Variants in ROBO1 observed in about 807,000 individuals in gnomAD.
The protein encoded by ROBO1 is roundabout homolog 1.
A neutral mutation model predicts 195.9 loss-of-function variants in ROBO1; 149 were observed. The observed-to-expected ratio is 0.76, with a 90% confidence interval of 0.67 to 0.87. ROBO1 has a LOEUF of 0.87. Among genes scored for constraint, ROBO1 ranks in the 40% least tolerant of loss-of-function variants. ROBO1 has a pLI of 0.00. For synonymous variants in ROBO1, 816 were observed against 733.2 expected (o/e 1.11, Z -1.82); for missense variants, 1,933 against 2,068.3 (o/e 0.93, Z 1.27).
chr3:79,279,143 G>A (rs527978418), intron 2 of ROBO1, among the ~76,000 whole-genome samples: 11 of 152,136 alleles, frequency 7.2e-5, no homozygotes, highest in Admixed American at 2.6e-4. Flanking sequence ...GTGGGTGCCT[G>A]TAATCCCAGC....
At chr3:78,843,864 T>G (rs1343228781) in intron 4 of ROBO1, among the ~76,000 whole-genome samples, 1 of 151,988 alleles carries the variant, frequency 6.6e-6, no homozygotes, top group Non-Finnish European at 1.5e-5. Context: ...GAATATGAAA[T>G]AAGCTGAACA....
chr3:79,100,576 A>G (rs1398960387), intron 3 of ROBO1, among the ~76,000 whole-genome samples: 1 of 151,906 alleles, frequency 6.6e-6, no homozygotes, highest in East Asian at 1.9e-4. Context: ...GTATGAATTC[A>G]CGTGATCCTA....
At chr3:79,682,588 T>C (rs1946982729) in intron 1 of ROBO1, among the ~76,000 whole-genome samples, 2 of 152,044 alleles carry the variant, frequency 1.3e-5, no homozygotes, top group African/African-American at 2.4e-5. Flanking sequence ...TGTCTACTTG[T>C]CAATTTAAGA....
intron 2 of ROBO1, among the ~76,000 whole-genome samples, chr3:79,367,206 TA>T (rs1225600335): frequency 6.6e-6 from 1 of 152,186 alleles, no homozygotes; most frequent in Non-Finnish European, 1.5e-5. Flanking sequence ...CATAGTATGT[TA>T]TTTTTTTTTT....
chr3:79,155,008 T>C (rs1029341635), intron 2 of ROBO1, among the ~76,000 whole-genome samples: 1 of 151,760 alleles, frequency 6.6e-6, no homozygotes, highest in Non-Finnish European at 1.5e-5. Flanking sequence ...AGGATGAAAA[T>C]AGACTTAACT....
At chr3:78,935,070 A>G (rs2039731832) in intron 4 of ROBO1, among the ~76,000 whole-genome samples, 2 of 152,112 alleles carry the variant, frequency 1.3e-5, no homozygotes, top group South Asian at 4.1e-4. Context: ...ATAACAATGA[A>G]AGAACATAAT....
intron 2 of ROBO1, among the ~76,000 whole-genome samples, chr3:79,570,551 A>G (rs1943245322): frequency 6.6e-6 from 1 of 152,150 alleles, no homozygotes; most frequent in South Asian, 2.1e-4. Flanking sequence ...AAAATAAGAA[A>G]AATTTCATAC....
intron 3 of ROBO1, among the ~76,000 whole-genome samples, chr3:79,048,364 C>T (rs1322425630): frequency 1.3e-5 from 2 of 152,088 alleles, no homozygotes; most frequent in Non-Finnish European, 2.9e-5. Flanking sequence ...TGCAATACCC[C>T]CATAACATCA....
At chr3:79,251,281 T>G (rs916845141) in intron 2 of ROBO1, among the ~76,000 whole-genome samples, 17 of 152,126 alleles carry the variant, frequency 1.1e-4, no homozygotes, top group African/African-American at 4.1e-4. Flanking sequence ...GGCAAGCAAG[T>G]GGGCAAATAT....
chr3:78,854,937 T>C (rs1165083318), intron 4 of ROBO1, among the ~76,000 whole-genome samples: 2 of 152,162 alleles, frequency 1.3e-5, no homozygotes, highest in Non-Finnish European at 2.9e-5. Flanking sequence ...TGATATAACC[T>C]ATCTTAAAAA....
intron 3 of ROBO1, chr3:79,018,446 C>A (rs368656994): frequency 1.5e-5 from 24 of 1,613,658 alleles, no homozygotes; most frequent in African/African-American, 2.7e-5. Context: ...TAAAAGTGAG[C>A]GGGCTCCGCA....
rs115350382 is a variant in ROBO1 at position 79,301,579 on chromosome 3, C to T, written c.89-176040G>A. ...TTGTGTGAGTTGATATTTGTCATTG[C>T]TATGTTTCATTAGCTCACTTAAAAC... is the stretch of plus-strand genomic sequence containing the variant. On this transcript the variant is annotated intron_variant, in intron 2 of 30. Transcript: ENST00000464233. Among the ~76,000 whole-genome samples the T allele has an allele frequency of 8.1e-3, 1,226 of 152,256 alleles. 21 individuals are homozygous for T. Among genetic ancestry groups the T allele is most frequent in the African/African-American group, 0.027 (1,114 of 41,554 alleles).
chr3:79,010,054 T>C (rs918931094), intron 3 of ROBO1, among the ~76,000 whole-genome samples: 3 of 152,102 alleles, frequency 2.0e-5, no homozygotes, highest in African/African-American at 7.2e-5. Flanking sequence ...CTCTTTTTTG[T>C]GGGTTATCAT....
chr3:79,519,089 G>C (rs557357444), intron 2 of ROBO1, among the ~76,000 whole-genome samples: 9 of 152,104 alleles, frequency 5.9e-5, no homozygotes, highest in Non-Finnish European at 1.2e-4. Flanking sequence ...AATGCTTCTC[G>C]TTCCAGAACC....
intron 3 of ROBO1, among the ~76,000 whole-genome samples, chr3:79,073,966 C>G (rs945334786): frequency 1.3e-5 from 2 of 151,178 alleles, no homozygotes; most frequent in African/African-American, 2.4e-5. Context: ...TAATATTTCT[C>G]TTCCCTGAAA....
intron 3 of ROBO1, among the ~76,000 whole-genome samples, chr3:79,063,080 T>C (rs1156810197): frequency 6.6e-6 from 1 of 151,952 alleles, no homozygotes; most frequent in Non-Finnish European, 1.5e-5. Flanking sequence ...GTGGACCATG[T>C]AGATTCTGCT....
chr3:79,751,532 T>A (rs1365677427), intron 1 of ROBO1, among the ~76,000 whole-genome samples: 1 of 152,158 alleles, frequency 6.6e-6, no homozygotes, highest in Admixed American at 6.5e-5. Context: ...GTGCTATTGT[T>A]AAAGTCCATA....
chr3:79,371,147 A>G (rs1301050621), intron 2 of ROBO1, among the ~76,000 whole-genome samples: 1 of 152,090 alleles, frequency 6.6e-6, no homozygotes, highest in African/African-American at 2.4e-5. Flanking sequence ...CAATAAACAT[A>G]TGTGTGCGTG....
chr3:79,410,722 G>A (rs938187608), intron 2 of ROBO1, among the ~76,000 whole-genome samples: 5 of 151,844 alleles, frequency 3.3e-5, no homozygotes, highest in African/African-American at 9.7e-5. Context: ...AAGAAGAGAC[G>A]CAAAAGAGGG....
Sources: gnomAD v4.1 joint callset for allele counts (sites outside exome capture counted in the v4.1 genomes callset) on GRCh38, gnomAD v4.1.1 for gene constraint, MANE v1.5 for transcripts, NCBI Gene and HGNC (gene_info 2026-07-23, HGNC 2026-07-21) for gene names.